The following CDH12 variants were observed in gnomAD, a reference collection of about 807,000 sequenced individuals.
The protein encoded by CDH12 is cadherin-12.
Under a neutral mutation model 74.1 loss-of-function variants are expected in CDH12, and 41 were observed. The observed-to-expected ratio is 0.55, with a 90% CI of 0.43 to 0.72. CDH12 has a LOEUF of 0.72. CDH12 is among the 30% of genes least tolerant of loss of function. The pLI is 0.00. For synonymous variants in CDH12, 399 were observed against 355.0 expected (o/e 1.12, Z -1.39); for missense variants, 945 against 977.2 (o/e 0.97, Z 0.44).
chr5:22,737,445 G>A (rs1744789489), intron 1 of CDH12, among the ~76,000 whole-genome samples: 1 of 151,770 alleles, frequency 6.6e-6, no homozygotes, highest in Non-Finnish European at 1.5e-5. Context: ...TTTCTTTACT[G>A]ATTTAACTGA....
intron 10 of CDH12, among the ~76,000 whole-genome samples, chr5:21,791,346 T>C (rs1746486623): frequency 6.6e-6 from 1 of 152,044 alleles, no homozygotes; most frequent in Admixed American, 6.6e-5. Flanking sequence ...GGAAAAGATA[T>C]GGCCCAGTTC....
intron 1 of CDH12, among the ~76,000 whole-genome samples, chr5:22,825,410 G>A (rs2126486847): frequency 6.6e-6 from 1 of 152,226 alleles, no homozygotes; most frequent in Middle Eastern, 3.4e-3. Context: ...TACTGAGTGA[G>A]AAGATGATAT....
At chr5:22,787,617 T>A (rs921642041) in intron 1 of CDH12, among the ~76,000 whole-genome samples, 3 of 151,908 alleles carry the variant, frequency 2.0e-5, no homozygotes, top group African/African-American at 7.2e-5. Context: ...ATAGTTTTAT[T>A]TTTAATAAAA....
chr5:22,438,530 T>G (rs1440998208), intron 2 of CDH12, among the ~76,000 whole-genome samples: 1 of 152,088 alleles, frequency 6.6e-6, no homozygotes, highest in African/African-American at 2.4e-5. Flanking sequence ...TTACACTGTC[T>G]AATATGGTAC....
intron 2 of CDH12, among the ~76,000 whole-genome samples, chr5:22,446,135 C>T (rs1055204521): frequency 6.6e-6 from 1 of 152,044 alleles, no homozygotes; most frequent in Non-Finnish European, 1.5e-5. Context: ...AATCTCTCAG[C>T]CTTTGGATTA....
chr5:21,930,171 G>A (rs917455071), intron 6 of CDH12, among the ~76,000 whole-genome samples: 1 of 152,140 alleles, frequency 6.6e-6, no homozygotes, highest in African/African-American at 2.4e-5. Flanking sequence ...GCTTCAGTGA[G>A]CTGTGAAAGT....
intron 6 of CDH12, among the ~76,000 whole-genome samples, chr5:21,936,576 G>A (rs1755083381): frequency 6.6e-6 from 1 of 152,100 alleles, no homozygotes; most frequent in African/African-American, 2.4e-5. Context: ...TGTCATAGAG[G>A]TAAGAATATT....
At chr5:21,829,656 G>T (rs932422286) in intron 8 of CDH12, among the ~76,000 whole-genome samples, 3 of 152,126 alleles carry the variant, frequency 2.0e-5, no homozygotes, top group African/African-American at 7.2e-5. Context: ...ATAGAGAAAT[G>T]TAAACCATGT....
chr5:22,658,992 C>G (rs977840395), intron 1 of CDH12, among the ~76,000 whole-genome samples: 1 of 152,012 alleles, frequency 6.6e-6, no homozygotes, highest in African/African-American at 2.4e-5. Context: ...ATTGCAGTAA[C>G]AAGTAAATTT....
intron 2 of CDH12, among the ~76,000 whole-genome samples, chr5:22,468,799 G>A (rs548268410): frequency 1.3e-5 from 2 of 152,212 alleles, no homozygotes; most frequent in Non-Finnish European, 1.5e-5. Context: ...AGACATAAAT[G>A]TGGTTTTTAG....
chr5:21,986,303 G>A (rs1757512754), intron 5 of CDH12, among the ~76,000 whole-genome samples: 1 of 152,144 alleles, frequency 6.6e-6, no homozygotes, highest in Non-Finnish European at 1.5e-5. Flanking sequence ...TTCCCCCAAT[G>A]CTGTCTTTTA....
At chr5:22,624,074 C>G (rs913051090) in intron 1 of CDH12, among the ~76,000 whole-genome samples, 3 of 152,132 alleles carry the variant, frequency 2.0e-5, no homozygotes, top group African/African-American at 7.2e-5. Context: ...AAAGGATTCC[C>G]TATTTAATAA....
chr5:21,819,413 T>C (rs1376470145), intron 8 of CDH12, among the ~76,000 whole-genome samples: 1 of 152,052 alleles, frequency 6.6e-6, no homozygotes, highest in East Asian at 1.9e-4. Context: ...TTTTCCTTTT[T>C]TTCTTCTAAA....
chr5:22,542,477 C>G (rs1738149193), intron 1 of CDH12, among the ~76,000 whole-genome samples: 1 of 152,078 alleles, frequency 6.6e-6, no homozygotes, highest in Non-Finnish European at 1.5e-5. Flanking sequence ...TTTATAATCA[C>G]TAGGAGAGTA....
At chr5:21,964,758 ATTATAT>A (rs1013952628) in intron 6 of CDH12, among the ~76,000 whole-genome samples, 2 of 152,134 alleles carry the variant, frequency 1.3e-5, no homozygotes, top group African/African-American at 4.8e-5. Flanking sequence ...ATATTTATGC[ATTATAT>A]TTAAGCAGCC....
intron 3 of CDH12, among the ~76,000 whole-genome samples, chr5:22,243,911 G>A (rs187053693): frequency 6.6e-6 from 1 of 152,212 alleles, no homozygotes; most frequent in East Asian, 1.9e-4. Context: ...TCACATGTGA[G>A]CAGCAAAACC....
At chr5:22,652,873 T>A (rs1266405088) in intron 1 of CDH12, among the ~76,000 whole-genome samples, 1 of 152,160 alleles carries the variant, frequency 6.6e-6, no homozygotes, top group Non-Finnish European at 1.5e-5. Flanking sequence ...GAAGCCTCTC[T>A]ATGTGAAAGC....
chr5:22,836,221 C>T (rs2356287), intron 1 of CDH12, among the ~76,000 whole-genome samples: 409 of 12,866 alleles, frequency 0.032, 1 homozygote, highest in Non-Finnish European at 0.042. Context: ...TTCTTTCTTT[C>T]TCTTTTTTTT....
chr5:22,708,990 G>A (rs1743161009), intron 1 of CDH12, among the ~76,000 whole-genome samples: 1 of 152,110 alleles, frequency 6.6e-6, no homozygotes, highest in Admixed American at 6.5e-5. Flanking sequence ...CAGGGGGCAG[G>A]TCTTTGGCAC....
Sources: allele counts gnomAD v4.1 joint callset (sites outside exome capture counted in the v4.1 genomes callset), GRCh38; gene constraint gnomAD v4.1.1; transcripts MANE v1.5; gene names NCBI Gene and HGNC (gene_info 2026-07-23, HGNC 2026-07-21).